PRELID3A: variants seen among roughly 807,000 people sequenced by gnomAD.
The protein encoded by PRELID3A is PRELI domain containing protein 3A.
In PRELID3A, 27 loss-of-function variants were observed where a neutral mutation model predicts 23.0. That is an observed-to-expected ratio of 1.17 (90% confidence interval 0.87 to 1.62). PRELID3A has a LOEUF of 1.62. Ranked by LOEUF, PRELID3A falls within the 40% of genes most tolerant of loss-of-function variation. PRELID3A has a pLI of 0.00. For synonymous variants in PRELID3A, 87 were observed against 86.4 expected, an observed-to-expected ratio of 1.01 and a Z score of -0.04; for missense variants, 231 against 231.4, an observed-to-expected ratio of 1.00 and a Z score of 0.01.
intron 3 of PRELID3A, among the ~76,000 whole-genome samples, chr18:12,425,111 CAA>C (rs1393045003): frequency 2.7e-5 from 4 of 150,008 alleles, no homozygotes; most frequent in African/African-American, 9.9e-5. Flanking sequence ...CCATTGCACT[CAA>C]GAGTGAAACT....
At chr18:12,411,884 G>A (rs1040174032) in intron 1 of PRELID3A, among the ~76,000 whole-genome samples, 3 of 151,746 alleles carry the variant, frequency 2.0e-5, no homozygotes, top group Admixed American at 1.3e-4. Flanking sequence ...CTGTGTATAC[G>A]CATGTGTCAT....
chr18:12,429,001 T>G (rs2030466807), intron 5 of PRELID3A, among the ~76,000 whole-genome samples: 1 of 152,032 alleles, frequency 6.6e-6, no homozygotes, highest in Non-Finnish European at 1.5e-5. Flanking sequence ...TGAGGGCAGG[T>G]GCAGGGGATG....
chr18:12,408,580 C>T (rs1909804213), intron 1 of PRELID3A, among the ~76,000 whole-genome samples: 1 of 152,050 alleles, frequency 6.6e-6, no homozygotes, highest in Non-Finnish European at 1.5e-5. Flanking sequence ...CGTGGAAAAC[C>T]TCGAACTGTT....
At position 12,427,120 on chromosome 18, in the gene PRELID3A, T is replaced by C. The variant is rs1428176565; in HGVS notation, c.362+9T>C. ...CCAGAGAACCCAGAAATGTGAGTCA[T>C]CTCCTGTGGGATTGACACATTGAAT... On this transcript the variant is annotated intron_variant, in intron 4 of 6. Coordinates refer to ENST00000440960, the MANE Select transcript of PRELID3A (RefSeq NM_001142405.2). The C allele has an allele frequency of 1.2e-6, 2 of 1,610,382 alleles. No individual in the cohort carries two copies. The highest frequency in any genetic ancestry group is 4.5e-5 in the East Asian group (2 of 44,852).
At chr18:12,411,684 G>A (rs1405924394) in intron 1 of PRELID3A, among the ~76,000 whole-genome samples, 2 of 152,110 alleles carry the variant, frequency 1.3e-5, no homozygotes, top group Non-Finnish European at 2.9e-5. Flanking sequence ...GGGGAGTCAT[G>A]CCTAAAGCAG....
chr18:12,422,517 C>T (rs901966833), intron 3 of PRELID3A, among the ~76,000 whole-genome samples: 1 of 152,034 alleles, frequency 6.6e-6, no homozygotes, highest in Non-Finnish European at 1.5e-5. Flanking sequence ...TGCCACTACA[C>T]CTGGCTAATT....
chr18:12,415,046 A>G (rs2029901486), intron 1 of PRELID3A, among the ~76,000 whole-genome samples: 1 of 151,928 alleles, frequency 6.6e-6, no homozygotes, highest in African/African-American at 2.4e-5. Context: ...CTCCCATCTC[A>G]GGCTCTGCAG....
Position 12,427,128 on chromosome 18 carries a change from G to A in PRELID3A, c.362+17G>A. 1 of 1,609,220 alleles carries A rather than the reference G, an allele frequency of 6.2e-7. No individual in the cohort carries two copies. Among genetic ancestry groups the A allele is most frequent in the Non-Finnish European group, 8.5e-7 (1 of 1,175,606 alleles). On this transcript the variant is annotated intron_variant, in intron 4 of 6. Coordinates refer to ENST00000440960, the MANE Select transcript of PRELID3A (RefSeq NM_001142405.2). Reference sequence around the variant, plus strand: ...CCCAGAAATGTGAGTCATCTCCTGTGGGATTGACACATTGAATGCCACGGG... The same window carrying A: ...CCCAGAAATGTGAGTCATCTCCTGTAGGATTGACACATTGAATGCCACGGG...
intron 6 of PRELID3A, among the ~76,000 whole-genome samples, chr18:12,430,174 C>G (rs1416247335): frequency 1.3e-5 from 2 of 152,204 alleles, no homozygotes; most frequent in Non-Finnish European, 1.5e-5. Flanking sequence ...TCCTTGAACC[C>G]AAGCCAGGGG....
chr18:12,412,873 T>TA (rs1466162238), intron 1 of PRELID3A, among the ~76,000 whole-genome samples: 2 of 152,248 alleles, frequency 1.3e-5, no homozygotes, highest in African/African-American at 4.8e-5. Context: ...TGTTTCTGAA[T>TA]AAAAAACTGT....
At chr18:12,408,033 G>A in intron 1 of PRELID3A, 26 bp downstream of exon 1, 1 of 1,253,698 alleles carries the variant, frequency 8.0e-7, no homozygotes, top group Admixed American at 4.2e-5. Flanking sequence ...GGGCCGCGGT[G>A]GGGCCGTCCA....
rs67993774 is a variant in PRELID3A at position 12,426,563 on chromosome 18, A to AAAAAAAAAAAAAAAAAAAAAAAAAAG, written c.292-475_292-474insAAAAAAAAAAAAAAAAAAAAAAGAAA. 8.0e-5 allele frequency among the ~76,000 whole-genome samples: 7 copies of AAAAAAAAAAAAAAAAAAAAAAAAAAG among 87,712 alleles called. 1 individual carries two copies. The highest frequency in any genetic ancestry group is 1.4e-4 in the Non-Finnish European group (7 of 48,626). The allele number at this position is 87,712 out of a possible 152,430, so 57.5% of individuals were successfully genotyped here. ...AGTGAGACTCCATCTCAAAAAAAAA[A>AAAAAAAAAAAAAAAAAAAAAAAAAAG]AAAGTATAAATATGTACATAAGGAG... On this transcript the variant is annotated intron_variant, in intron 3 of 6. Coordinates refer to ENST00000440960, the MANE Select transcript of PRELID3A (RefSeq NM_001142405.2).
chr18:12,414,982 G>A (rs1318411131), intron 1 of PRELID3A, among the ~76,000 whole-genome samples: 2 of 151,990 alleles, frequency 1.3e-5, no homozygotes, highest in African/African-American at 4.8e-5. Context: ...AGGCTGGAGT[G>A]CAGTAGTGCA....
intron 6 of PRELID3A, among the ~76,000 whole-genome samples, chr18:12,429,655 G>C (rs2030501212): frequency 6.6e-6 from 1 of 152,232 alleles, no homozygotes; most frequent in Admixed American, 6.5e-5. Flanking sequence ...GGAAGCTTGA[G>C]CTGCGGCCCT....
chr18:12,408,057 G>A, intron 1 of PRELID3A, 50 bp downstream of exon 1: 7 of 1,237,936 alleles, frequency 5.7e-6, no homozygotes, highest in Non-Finnish European at 6.1e-6. Context: ...GCCGGCTCCT[G>A]CTCCCGAGCC....
intron 6 of PRELID3A, among the ~76,000 whole-genome samples, chr18:12,430,745 GGTGTGTGTGC>G (rs2030559448): frequency 7.0e-6 from 1 of 143,254 alleles, no homozygotes; most frequent in Admixed American, 7.0e-5. Flanking sequence ...GTATGTGTGT[GGTGTGTGTGC>G]ATGTGTGTGA....
rs1020076316 is a variant in PRELID3A, at chr18:12,420,415, C to T, written c.123C>T (p.Arg41=). ...TGCTGGGCGTGGATGTGCTACAGCG[C>T]CGCGTGGACGGCCGCGGCCGCCTGC... ...PSVLGVDVLQ[R]RVDGRGRLHS... Residue 41 remains arginine, a synonymous_variant, in exon 2 of 7, where the codon CGC becomes CGT. Coordinates refer to ENST00000440960, the MANE Select transcript of PRELID3A (RefSeq NM_001142405.2). 5 of 1,601,758 alleles carry T rather than the reference C, an allele frequency of 3.1e-6. No homozygotes were observed. In the African/African-American group the frequency reaches 5.4e-5, roughly 17 times the overall value.
intron 5 of PRELID3A, among the ~76,000 whole-genome samples, chr18:12,427,935 C>G (rs920914959): frequency 1.3e-5 from 2 of 152,102 alleles, no homozygotes; most frequent in African/African-American, 4.8e-5. Flanking sequence ...CTTCAAAGAG[C>G]CCAAATGTCA....
intron 1 of PRELID3A, 144 bp from the exon 2 acceptor site, chr18:12,420,181 G>A (rs779404984): frequency 1.4e-6 from 2 of 1,433,956 alleles, no homozygotes; most frequent in Non-Finnish European, 1.8e-6. Flanking sequence ...GGGCTCGCGG[G>A]ACTCCTCAGA....
Sources: allele counts gnomAD v4.1 joint callset (sites outside exome capture counted in the v4.1 genomes callset), GRCh38; gene constraint gnomAD v4.1.1; transcripts MANE v1.5; gene names NCBI Gene and HGNC (gene_info 2026-07-23, HGNC 2026-07-21).